Variants in ADAP1 observed in about 807,000 individuals in gnomAD.
ADAP1 encodes arf-GAP with dual PH domain-containing protein 1.
Under a neutral mutation model 54.9 loss-of-function variants are expected in ADAP1, and 31 were observed. That is an observed-to-expected ratio of 0.56 (90% confidence interval 0.42 to 0.76). The LOEUF (loss-of-function observed/expected upper bound fraction) is 0.76. Ranked by LOEUF, ADAP1 falls within the 30% of genes least tolerant of loss-of-function variation. The pLI is 0.00. For missense variants in ADAP1, 535 were observed against 512.4 expected (o/e 1.04, Z -0.42); for synonymous variants, 313 against 202.6 (o/e 1.55, Z -4.63).
chr7:934,919 G>C (rs529099627), intron 2 of ADAP1, among the ~76,000 whole-genome samples: 9 of 152,288 alleles, frequency 5.9e-5, no homozygotes, highest in African/African-American at 2.2e-4. Context: ...AGGTAATGGT[G>C]CCCTACACGG....
Position 946,492 on chromosome 7 carries a change from C to T in ADAP1, c.82+7904G>A, listed in dbSNP as rs1847142829. Among the ~76,000 whole-genome samples, 1 of 152,236 alleles carries T rather than the reference C, an allele frequency of 6.6e-6. No individual in the cohort carries two copies. The highest frequency in any genetic ancestry group is 2.1e-4 in the South Asian group (1 of 4,836). On this transcript the variant is annotated intron_variant, in intron 1 of 10. Transcript: ENST00000265846. The surrounding 1 kb of genome is among the most constrained non-coding windows in gnomAD (Gnocchi z 4.3). ...CACGTGCCCCTCTCCTGGATCCCTCCCAGCAGCACCCGGACACAGTCCATT... is the reference window on the plus strand; with the variant it reads ...CACGTGCCCCTCTCCTGGATCCCTCTCAGCAGCACCCGGACACAGTCCATT...
At chr7:954,837 G>A, upstream of ADAP1, 1 of 596,440 alleles carries the variant, frequency 1.7e-6, no homozygotes, top group Non-Finnish European at 2.1e-6. Flanking sequence ...CCCGCCGCCC[G>A]CCCCCCATCC....
Position 926,163 on chromosome 7 carries a change from C to T in ADAP1, c.305+390G>A, listed in dbSNP as rs539182283. Among the ~76,000 whole-genome samples the T allele has an allele frequency of 1.2e-4, 18 of 151,872 alleles. No individual in the cohort carries two copies. The highest frequency in any genetic ancestry group is 4.1e-4 in the African/African-American group (17 of 41,440). On this transcript the variant is annotated intron_variant, in intron 3 of 10. Coordinates refer to ENST00000265846, the MANE Select transcript of ADAP1 (RefSeq NM_006869.4). The surrounding 1 kb of genome is among the most constrained non-coding windows in gnomAD (Gnocchi z 4.6). ...AGGCTTCCCCAACCGGCCACCGGTA[C>T]CCACGTCCGCTCCCGCCCTGAGGAG...
At chr7:904,692 T>C (rs1419471033) in intron 5 of ADAP1, among the ~76,000 whole-genome samples, 3 of 152,224 alleles carry the variant, frequency 2.0e-5, no homozygotes, top group African/African-American at 7.2e-5. Flanking sequence ...CTTGCCAATG[T>C]GTTTGTCCTG....
At chr7:903,628 C>T (rs1168417519) in intron 6 of ADAP1, among the ~76,000 whole-genome samples, 1 of 152,116 alleles carries the variant, frequency 6.6e-6, no homozygotes, top group Non-Finnish European at 1.5e-5. Flanking sequence ...CTGGGTTCCC[C>T]CCAAGCCCTC....
rs1045190014 is a variant in ADAP1 at position 900,098 on chromosome 7, C to A, written c.795+4G>T. 1 of 1,613,112 alleles carries A rather than the reference C, an allele frequency of 6.2e-7. No individual in the cohort carries two copies. Among genetic ancestry groups the A allele is most frequent in the Non-Finnish European group, 8.5e-7 (1 of 1,179,908 alleles). The stretch of plus-strand genomic sequence containing the variant: ...ACCCCAGGCCGCACGTGCGGCACAC[C>A]CACCTTGGGCCCCGTCTTCTCCATG... On this transcript the variant is annotated splice_donor_region_variant and intron_variant, in intron 8 of 10. Coordinates refer to ENST00000265846, the MANE Select transcript of ADAP1 (RefSeq NM_006869.4).
chr7:898,485 G>A lies in ADAP1; in HGVS notation c.*436C>T, dbSNP rs937632458. On this transcript the variant is annotated 3_prime_UTR_variant, in exon 11 of 11. Transcript: ENST00000265846. ...ATAGTCGTGGAGGTGGGGGGAGGGC[G>A]GGGCGGCATGCGAGCAGGGCCCAGT... is the stretch of plus-strand genomic sequence containing the variant. 3.9e-5 allele frequency: 10 copies of A among 255,584 alleles called. No homozygotes were observed. Among genetic ancestry groups the A allele is most frequent in the Non-Finnish European group, 5.4e-5 (7 of 128,892 alleles). The allele number at this position is 255,584 out of a possible 1,614,324, so 15.8% of individuals were successfully genotyped here.
intron 3 of ADAP1, among the ~76,000 whole-genome samples, chr7:922,065 G>GC (rs1846210372): frequency 6.6e-6 from 1 of 152,182 alleles, no homozygotes; most frequent in Admixed American, 6.5e-5. Context: ...ATCCTGCCCA[G>GC]CGGAGCCCTC....
Position 898,730 on chromosome 7 carries a change from C to T in ADAP1, c.*191G>A. ...CGGGGTTAGAGATCAGGCCCAGGGC[C>T]TGGGCTGCCTGCCTTGAGGTTCCAG... On this transcript the variant is annotated 3_prime_UTR_variant, in exon 11 of 11. Transcript: ENST00000265846. The T allele has an allele frequency of 1.4e-6, 1 of 707,258 alleles. No homozygotes were observed. The highest frequency in any genetic ancestry group is 2.4e-6 in the Non-Finnish European group (1 of 420,784). 43.8% of individuals were successfully genotyped at this position (707,258 alleles called of 1,614,324 possible).
chr7:931,368 C>G (rs905235163), intron 2 of ADAP1, among the ~76,000 whole-genome samples: 1 of 152,226 alleles, frequency 6.6e-6, no homozygotes. Flanking sequence ...CAAACGTGTT[C>G]CATCCACACA....
rs531919932 is a variant in ADAP1, at chr7:914,228, G to C, written c.388+5740C>G. Among the ~76,000 whole-genome samples the C allele has an allele frequency of 2.6e-5, 4 of 152,312 alleles. No homozygotes were observed. The South Asian group carries it at 6.2e-4, about 24-fold the overall frequency. On this transcript the variant is annotated intron_variant, in intron 4 of 10. Coordinates refer to ENST00000265846, the MANE Select transcript of ADAP1 (RefSeq NM_006869.4). ...TGCAGAGCGGGAGCCACCTGGCCCA[G>C]GCCTCACCTGGCCAACGTGGGGTTG...
At chr7:905,885 A>AAGGGAG (rs1845247356) in intron 4 of ADAP1, among the ~76,000 whole-genome samples, 1 of 24,902 alleles carries the variant, frequency 4.0e-5, no homozygotes, top group Non-Finnish European at 9.6e-5. Context: ...GAGAAAGGAG[A>AAGGGAG]AAGGAGAAAG....
chr7:907,096 C>T (rs1369806483), intron 4 of ADAP1, among the ~76,000 whole-genome samples: 2 of 152,148 alleles, frequency 1.3e-5, no homozygotes, highest in East Asian at 3.9e-4. Flanking sequence ...CAGGTGGTGC[C>T]ATCCCCTCTT....
chr7:929,655 TG>T (rs1005377161), intron 2 of ADAP1, among the ~76,000 whole-genome samples: 16 of 150,708 alleles, frequency 1.1e-4, no homozygotes, highest in Admixed American at 9.9e-4. Flanking sequence ...ATGGGAGGGG[TG>T]GTGAGTACCG....
chr7:949,688 G>C (rs937436990), intron 1 of ADAP1, among the ~76,000 whole-genome samples: 2 of 152,158 alleles, frequency 1.3e-5, no homozygotes, highest in African/African-American at 4.8e-5. Context: ...GCTGAAGTTG[G>C]GGGGAGCCTG....
At position 901,977 on chromosome 7, in the gene ADAP1, G is replaced by T. The variant is rs577860348; in HGVS notation, c.649-1361C>A. On this transcript the variant is annotated intron_variant, in intron 6 of 10. Transcript: ENST00000265846. ...GAGATGGAGCCGACTCTGGGGCTCC[G>T]GGCAGACGGGGCATGCCTGGTGCAC... Among the ~76,000 whole-genome samples, 274 of 152,166 alleles carry T rather than the reference G, an allele frequency of 1.8e-3. 1 individual carries two copies. Among genetic ancestry groups the T allele is most frequent in the Non-Finnish European group, 3.1e-3 (208 of 67,968 alleles).
In ADAP1 at chr7:945,955, G is replaced by A. The variant is rs1847125396; in HGVS notation, c.82+8441C>T. On this transcript the variant is annotated intron_variant, in intron 1 of 10. Coordinates refer to ENST00000265846, the MANE Select transcript of ADAP1 (RefSeq NM_006869.4). This position sits in a 1 kb window ranked among gnomAD's most constrained non-coding sequence, Gnocchi z 4.2. Reference sequence around the variant, plus strand: ...CTGTCCATGGGGCCCTGGTTCCAGAGACCTTTGCCCTCCCAAGGCTGACGC... The same window carrying A: ...CTGTCCATGGGGCCCTGGTTCCAGAAACCTTTGCCCTCCCAAGGCTGACGC... 7.8e-6 allele frequency: 3 copies of A among 383,902 alleles called. No individual in the cohort carries two copies. The highest frequency in any genetic ancestry group is 6.4e-5 in the Admixed American group (1 of 15,540). 23.8% of individuals were successfully genotyped at this position (383,902 alleles called of 1,614,324 possible).
chr7:903,046 C>T (rs948346958), intron 6 of ADAP1, among the ~76,000 whole-genome samples: 1 of 152,154 alleles, frequency 6.6e-6, no homozygotes, highest in African/African-American at 2.4e-5. Context: ...GGGCTCCACC[C>T]AGGAACCAGA....
chr7:930,142 AG>A (rs1442628047), intron 2 of ADAP1, among the ~76,000 whole-genome samples: 12 of 150,212 alleles, frequency 8.0e-5, no homozygotes, highest in African/African-American at 2.7e-4. Context: ...CAGGCAGAGA[AG>A]GCCTATTTAT....
Sources: gnomAD v4.1 joint callset for allele counts (sites outside exome capture counted in the v4.1 genomes callset) on GRCh38, gnomAD v4.1.1 for gene constraint, Gnocchi (gnomAD v3.1) non-coding constraint, MANE v1.5 for transcripts, NCBI Gene and HGNC (gene_info 2026-07-23, HGNC 2026-07-21) for gene names.